TTC39B: variants seen among roughly 807,000 people sequenced by gnomAD.
TTC39B encodes the protein tetratricopeptide repeat protein 39B.
In TTC39B, 92 loss-of-function variants were observed where a neutral mutation model predicts 96.6. The ratio of observed to expected loss-of-function variants is 0.95; its 90% CI spans 0.80 to 1.13. The LOEUF (loss-of-function observed/expected upper bound fraction) is 1.13, where lower values mean the gene tolerates loss of function less well. Among genes scored for constraint, TTC39B ranks in the 50% most tolerant of loss-of-function variants. The pLI is 0.00. For synonymous variants in TTC39B, 367 were observed against 299.4 expected (o/e 1.23, Z -2.33); for missense variants, 955 against 809.3 (o/e 1.18, Z -2.18).
At chr9:15,254,933 C>T (rs1471317073) in intron 2 of TTC39B, among the ~76,000 whole-genome samples, 2 of 149,896 alleles carry the variant, frequency 1.3e-5, no homozygotes, top group African/African-American at 4.9e-5. Context: ...TTCCTAACTA[C>T]TAAAATAAAT....
At chr9:15,294,992 A>G (rs1563795694) in intron 1 of TTC39B, among the ~76,000 whole-genome samples, 3 of 152,216 alleles carry the variant, frequency 2.0e-5, no homozygotes, top group African/African-American at 4.8e-5. Flanking sequence ...CCCACGTCCA[A>G]CTGACTCCAG....
intron 2 of TTC39B, chr9:15,249,269 C>A (rs570950738): frequency 6.6e-6 from 1 of 152,244 alleles, no homozygotes; most frequent in South Asian, 2.1e-4. Context: ...AAAAAAAATA[C>A]CCAGCATTGA....
At chr9:15,253,308 G>A (rs1355133462) in intron 2 of TTC39B, among the ~76,000 whole-genome samples, 1 of 152,228 alleles carries the variant, frequency 6.6e-6, no homozygotes, top group Non-Finnish European at 1.5e-5. Flanking sequence ...AAAAACAGAA[G>A]GTGGTGGGAC....
At chr9:15,241,370 G>C (rs544336190) in intron 2 of TTC39B, among the ~76,000 whole-genome samples, 1 of 151,556 alleles carries the variant, frequency 6.6e-6, no homozygotes, top group South Asian at 2.1e-4. Context: ...AAAAGATAAT[G>C]CTCTAAGTGG....
chr9:15,299,812 G>A (rs930080542), intron 1 of TTC39B, among the ~76,000 whole-genome samples: 14 of 152,136 alleles, frequency 9.2e-5, no homozygotes, highest in Admixed American at 6.5e-4. Context: ...GCACCCATGG[G>A]CAGGAAACTG....
chr9:15,209,698 T>C (rs184573247), intron 6 of TTC39B, among the ~76,000 whole-genome samples: 20 of 152,166 alleles, frequency 1.3e-4, no homozygotes, highest in African/African-American at 3.9e-4. Flanking sequence ...ATAAAAACCA[T>C]AGAGAAAAGC....
At chr9:15,266,518 A>C (rs1375049998) in intron 2 of TTC39B, among the ~76,000 whole-genome samples, 2 of 152,218 alleles carry the variant, frequency 1.3e-5, no homozygotes, top group African/African-American at 4.8e-5. Context: ...TTAAGTTGCA[A>C]AACTGTTTTT....
At chr9:15,254,629 G>A (rs1027851912) in intron 2 of TTC39B, among the ~76,000 whole-genome samples, 9 of 151,874 alleles carry the variant, frequency 5.9e-5, no homozygotes, top group African/African-American at 1.2e-4. Flanking sequence ...CTACTGTACC[G>A]AGACAAAGAG....
At chr9:15,291,239 C>A (rs562185892) in intron 1 of TTC39B, among the ~76,000 whole-genome samples, 1 of 152,152 alleles carries the variant, frequency 6.6e-6, no homozygotes, top group African/African-American at 2.4e-5. Flanking sequence ...AACTCCCATG[C>A]GCTGTGGGAG....
intron 2 of TTC39B, among the ~76,000 whole-genome samples, chr9:15,245,206 T>C (rs1822221840): frequency 6.6e-6 from 1 of 152,252 alleles, no homozygotes; most frequent in Non-Finnish European, 1.5e-5. Context: ...CTTGGCATTT[T>C]ATGTCACATA....
intron 7 of TTC39B, among the ~76,000 whole-genome samples, chr9:15,200,578 T>G (rs1819476919): frequency 6.6e-6 from 1 of 152,214 alleles, no homozygotes; most frequent in Non-Finnish European, 1.5e-5. Context: ...GTCAGCATTC[T>G]AGGATTCTAA....
exon 5 of TTC39B, chr9:15,211,310 C>T (rs1820186832): frequency 1.3e-6 from 2 of 1,590,070 alleles, no homozygotes; most frequent in Admixed American, 3.6e-5. Flanking sequence ...AAATGCCGTT[C>T]TGGATGTCCT....
At chr9:15,252,259 C>T (rs1341599999) in intron 2 of TTC39B, among the ~76,000 whole-genome samples, 1 of 152,148 alleles carries the variant, frequency 6.6e-6, no homozygotes, top group Non-Finnish European at 1.5e-5. Context: ...CTTCCAACTA[C>T]ATTTTTGTGG....
Position 15,227,697 on chromosome 9 carries a change from C to T in TTC39B, c.276-1685G>A, listed in dbSNP as rs534621555. On this transcript the variant is annotated intron_variant, in intron 2 of 19. Transcript: ENST00000512701. ...GGAAGTGACCGACTGAAAAGGCTAT[C>T]TACCCATTTGGACCATTCTTGCCCA... is the stretch of plus-strand genomic sequence containing the variant. Among the ~76,000 whole-genome samples, 8 of 152,286 alleles carry T rather than the reference C, an allele frequency of 5.3e-5. No individual in the cohort carries two copies. In the East Asian group the frequency reaches 1.5e-3, roughly 29 times the overall value.
chr9:15,195,990 A>G (rs1282589959), intron 8 of TTC39B, among the ~76,000 whole-genome samples: 1 of 152,222 alleles, frequency 6.6e-6, no homozygotes, highest in Non-Finnish European at 1.5e-5. Flanking sequence ...GCCCTTAACA[A>G]TTGTCCTAAA....
intron 3 of TTC39B, among the ~76,000 whole-genome samples, chr9:15,223,266 A>C: frequency 6.6e-6 from 1 of 152,192 alleles, no homozygotes; most frequent in Non-Finnish European, 1.5e-5. Flanking sequence ...TTGTCAAAAC[A>C]CTCTGTAAGA....
At chr9:15,283,879 A>T (rs576707060) in intron 1 of TTC39B, among the ~76,000 whole-genome samples, 14 of 152,264 alleles carry the variant, frequency 9.2e-5, no homozygotes, top group Middle Eastern at 3.4e-3. Context: ...TAAAAATTTT[A>T]AAAAATGGGT....
At chr9:15,187,617 G>A (rs1415246991) in intron 14 of TTC39B, among the ~76,000 whole-genome samples, 1 of 152,126 alleles carries the variant, frequency 6.6e-6, no homozygotes, top group Non-Finnish European at 1.5e-5. Context: ...GTACCACCAT[G>A]CCTAGCTAAT....
chr9:15,181,613 C>T (rs1284871403), intron 17 of TTC39B, among the ~76,000 whole-genome samples: 1 of 152,134 alleles, frequency 6.6e-6, no homozygotes, highest in Admixed American at 6.6e-5. Context: ...TCTAGCACAA[C>T]CAAATGTAAT....
Sources: allele counts gnomAD v4.1 joint callset (sites outside exome capture counted in the v4.1 genomes callset), GRCh38; gene constraint gnomAD v4.1.1; transcripts MANE v1.5; gene names NCBI Gene and HGNC (gene_info 2026-07-23, HGNC 2026-07-21).